Variants in SDK1 observed in about 807,000 individuals in gnomAD.
SDK1 encodes the protein protein sidekick-1.
SDK1 carries 157 observed loss-of-function variants against 245.5 expected under a neutral mutation model. The ratio of observed to expected loss-of-function variants is 0.64; its 90% confidence interval spans 0.56 to 0.73. The LOEUF is 0.73. Ranked by LOEUF, SDK1 falls within the 30% of genes least tolerant of loss-of-function variation. SDK1 has a pLI of 0.00. For missense variants in SDK1, 3,583 were observed against 3,002.3 expected (o/e 1.19, Z -4.52); for synonymous variants, 1,647 against 1,278.5 (o/e 1.29, Z -6.15).
intron 14 of SDK1, among the ~76,000 whole-genome samples, chr7:3,988,718 C>A (rs530006693): frequency 6.6e-6 from 1 of 152,280 alleles, no homozygotes; most frequent in South Asian, 2.1e-4. Context: ...GATAGATAAT[C>A]CATTACCTCC....
At chr7:4,024,109 G>A (rs922133177) in intron 17 of SDK1, among the ~76,000 whole-genome samples, 1 of 151,986 alleles carries the variant, frequency 6.6e-6, no homozygotes, top group Non-Finnish European at 1.5e-5. Flanking sequence ...AGGTATATTT[G>A]TGCTGTAATG....
chr7:3,696,631 G>A (rs912336235), intron 4 of SDK1, among the ~76,000 whole-genome samples: 6 of 151,254 alleles, frequency 4.0e-5, no homozygotes, highest in Admixed American at 4.0e-4. Flanking sequence ...TACTCAAAAA[G>A]CAGCAATAAT....
chr7:3,992,581 G>C (rs543341769), intron 14 of SDK1, among the ~76,000 whole-genome samples: 5 of 152,242 alleles, frequency 3.3e-5, no homozygotes, highest in Non-Finnish European at 5.9e-5. Flanking sequence ...GAATTCTGTT[G>C]AATAATGAAA....
chr7:3,860,139 C>G (rs1295659963), intron 5 of SDK1, among the ~76,000 whole-genome samples: 2 of 152,074 alleles, frequency 1.3e-5, no homozygotes, highest in Non-Finnish European at 2.9e-5. Context: ...CCAGGATGGT[C>G]TCACTCTCCT....
intron 4 of SDK1, among the ~76,000 whole-genome samples, chr7:3,725,231 G>T (rs1034123327): frequency 6.6e-6 from 1 of 152,102 alleles, no homozygotes; most frequent in African/African-American, 2.4e-5. Flanking sequence ...AAGAATGCAG[G>T]GTTCAAGGAA....
intron 4 of SDK1, among the ~76,000 whole-genome samples, chr7:3,721,623 A>C (rs1451510785): frequency 1.3e-5 from 2 of 152,114 alleles, no homozygotes; most frequent in African/African-American, 4.8e-5. Flanking sequence ...ACCAGGCATC[A>C]GCTATGTGGG....
At chr7:3,955,661 C>T (rs554703044) in intron 7 of SDK1, among the ~76,000 whole-genome samples, 72 of 152,260 alleles carry the variant, frequency 4.7e-4, no homozygotes, top group African/African-American at 1.7e-3. Flanking sequence ...GCGCAGGAAA[C>T]ATCTTTGGAT....
chr7:3,902,013 C>G (rs1047523907), intron 5 of SDK1, among the ~76,000 whole-genome samples: 1 of 152,176 alleles, frequency 6.6e-6, no homozygotes, highest in Non-Finnish European at 1.5e-5. Context: ...TCTAGCACAA[C>G]AAGCTGCTCC....
intron 1 of SDK1, among the ~76,000 whole-genome samples, chr7:3,403,999 G>A (rs1337648438): frequency 6.6e-6 from 1 of 150,686 alleles, no homozygotes; most frequent in African/African-American, 2.4e-5. Flanking sequence ...GTTTCCCAGT[G>A]CATATAAAAG....
At chr7:3,754,683 G>C (rs889597359) in intron 4 of SDK1, among the ~76,000 whole-genome samples, 1 of 152,206 alleles carries the variant, frequency 6.6e-6, no homozygotes. Context: ...TAAGGGGAAG[G>C]GGGGTGGGGG....
rs988032353 is a variant in SDK1, at chr7:3,361,780, G to C, written c.298+59896G>C. On this transcript the variant is annotated intron_variant, in intron 1 of 44. Transcript: ENST00000404826. ...AACAATTGTTCCATGCACAGTATTG[G>C]TGCGTTTCTATTCTCAATCAATCAA... is the stretch of plus-strand genomic sequence containing the variant. 2.0e-5 allele frequency among the ~76,000 whole-genome samples: 3 copies of C among 152,248 alleles called. No individual in the cohort carries two copies. In the South Asian group the frequency reaches 6.2e-4, roughly 32 times the overall value.
intron 44 of SDK1, 110 bp downstream of exon 44, chr7:4,245,915 C>G: frequency 7.6e-7 from 1 of 1,313,186 alleles, no homozygotes; most frequent in African/African-American, 1.5e-5. Context: ...AACATCCCCA[C>G]AGGCAGAGCC....
At chr7:3,854,748 C>A (rs745416710) in intron 5 of SDK1, among the ~76,000 whole-genome samples, 1 of 152,094 alleles carries the variant, frequency 6.6e-6, no homozygotes, top group South Asian at 2.1e-4. Context: ...ACTGAAGTAC[C>A]TTCTGCAGCC....
intron 1 of SDK1, among the ~76,000 whole-genome samples, chr7:3,349,693 G>A (rs957140429): frequency 2.6e-5 from 4 of 152,072 alleles, no homozygotes; most frequent in East Asian, 1.9e-4. Context: ...TCCACCTCCC[G>A]GGTTCACGCC....
intron 1 of SDK1, among the ~76,000 whole-genome samples, chr7:3,554,521 C>T (rs1485008803): frequency 1.3e-5 from 2 of 152,114 alleles, no homozygotes; most frequent in African/African-American, 2.4e-5. Context: ...TCAATAGAAG[C>T]CTCCAGAGAT....
At chr7:3,988,734 GAA>G (rs1173355723) in intron 14 of SDK1, among the ~76,000 whole-genome samples, 1 of 152,092 alleles carries the variant, frequency 6.6e-6, no homozygotes, top group African/African-American at 2.4e-5. Context: ...CCTCCACAAA[GAA>G]GCTCTCCAGC....
At chr7:3,635,663 C>G (rs889769139) in intron 2 of SDK1, among the ~76,000 whole-genome samples, 2 of 151,982 alleles carry the variant, frequency 1.3e-5, no homozygotes, top group East Asian at 3.9e-4. Flanking sequence ...ACTCTGTTTT[C>G]TTCTCCCCTT....
chr7:3,640,874 G>A (rs968487863), intron 3 of SDK1, among the ~76,000 whole-genome samples: 2 of 151,912 alleles, frequency 1.3e-5, no homozygotes, highest in Admixed American at 6.6e-5. Flanking sequence ...GGTAGAGATC[G>A]GGCTTCACCA....
intron 1 of SDK1, among the ~76,000 whole-genome samples, chr7:3,527,414 T>G (rs1783177636): frequency 6.6e-6 from 1 of 152,108 alleles, no homozygotes; most frequent in South Asian, 2.1e-4. Context: ...GGAAGTGACT[T>G]TCAAGCAGAG....
Sources: allele counts gnomAD v4.1 joint callset (sites outside exome capture counted in the v4.1 genomes callset), GRCh38; gene constraint gnomAD v4.1.1; transcripts MANE v1.5; gene names NCBI Gene and HGNC (gene_info 2026-07-23, HGNC 2026-07-21).